STARD9: variants seen among roughly 807,000 people sequenced by gnomAD.
The protein encoded by STARD9 is StAR related lipid transfer domain containing 9.
A neutral mutation model predicts 399.8 loss-of-function variants in STARD9; 346 were observed. The ratio of observed to expected loss-of-function variants is 0.87; its 90% confidence interval spans 0.79 to 0.95. STARD9 has a LOEUF of 0.95. Among genes scored for constraint, STARD9 ranks in the 40% least tolerant of loss-of-function variants. The probability of loss-of-function intolerance (pLI) is 0.00; values close to 1 mark genes in which losing one functional copy is unlikely to be tolerated. For missense variants in STARD9, 5,832 were observed against 5,667.5 expected (o/e 1.03, Z -0.93); for synonymous variants, 2,203 against 2,143.5 (o/e 1.03, Z -0.77).
chr15:42,593,396 G>A (rs1182905551), intron 3 of STARD9, among the ~76,000 whole-genome samples: 2 of 152,160 alleles, frequency 1.3e-5, no homozygotes, highest in Non-Finnish European at 2.9e-5. Flanking sequence ...CCTGAAAGTG[G>A]CTGTTTAAAA....
chr15:42,590,098 CTACAGATA>C, intron 3 of STARD9, among the ~76,000 whole-genome samples: 1 of 151,740 alleles, frequency 6.6e-6, no homozygotes, highest in Non-Finnish European at 1.5e-5. Context: ...GTAGCTGGGA[CTACAGATA>C]CGTGTGCCAC....
intron 16 of STARD9, chr15:42,670,953 C>T (rs1446455550): frequency 6.6e-6 from 1 of 151,936 alleles, no homozygotes; most frequent in Non-Finnish European, 1.5e-5. Flanking sequence ...TTAAAATGGT[C>T]ACTATTTGAG....
At chr15:42,632,841 CAAG>C in intron 3 of STARD9, among the ~76,000 whole-genome samples, 2 of 152,002 alleles carry the variant, frequency 1.3e-5, no homozygotes, top group Non-Finnish European at 2.9e-5. Context: ...GACCATGTCT[CAAG>C]AAAAAAATAA....
chr15:42,601,478 C>T (rs1169065854), intron 3 of STARD9, among the ~76,000 whole-genome samples: 2 of 149,746 alleles, frequency 1.3e-5, no homozygotes, highest in African/African-American at 4.9e-5. Flanking sequence ...GACGGGGCGG[C>T]GGCCGGGCGG....
chr15:42,674,955 C>G lies in STARD9; in HGVS notation c.1678C>G (p.Leu560Val). The G allele has an allele frequency of 6.5e-7, 1 of 1,534,232 alleles. No individual in the cohort carries two copies. The highest frequency in any genetic ancestry group is 8.7e-7 in the Non-Finnish European group (1 of 1,145,636). ...CCGGGAGGTCACTGCCTCCTGCCGT[C>G]TGACTCAAGGTAGGACTGTCTGTAG... is the stretch of plus-strand genomic sequence containing the variant. ...NGREVTASCR[L>V]TQGAVITLGK... Residue 560 changes from leucine (L) to valine (V), a missense_variant, in exon 18 of 33, where the codon CTG becomes GTG. By Grantham distance (32) the Leu-to-Val change is conservative. Transcript: ENST00000290607.
rs1286137788 is a variant in STARD9, at chr15:42,686,117, T to A, written c.4539T>A (p.Leu1513=). Residue 1513 remains leucine, a synonymous_variant, in exon 23 of 33, where the codon CTT becomes CTA. Coordinates refer to ENST00000290607, the MANE Select transcript of STARD9 (RefSeq NM_020759.3). ...CACCCAAGCCAGCTTACCCCTACCT[T>A]GAGGAAGACTCTGGTTCCCTGGCCC... The part of the protein sequence containing the change: ...IGAPKPAYPY[L]EEDSGSLAQA... 2 of 1,537,198 alleles carry A rather than the reference T, an allele frequency of 1.3e-6. No individual in the cohort carries two copies. Among genetic ancestry groups the A allele is most frequent in the Admixed American group, 2.0e-5 (1 of 50,986 alleles).
intron 3 of STARD9, chr15:42,629,692 C>T (rs2059291126): frequency 6.6e-6 from 1 of 152,106 alleles, no homozygotes; most frequent in Non-Finnish European, 1.5e-5. Context: ...TATTCCAGAT[C>T]CTAGAGGGAA....
At chr15:42,697,025 A>C (rs888306031) in intron 26 of STARD9, among the ~76,000 whole-genome samples, 1 of 152,220 alleles carries the variant, frequency 6.6e-6, no homozygotes, top group Admixed American at 6.5e-5. Flanking sequence ...CATTTAACAA[A>C]ATAATGTTTA....
At chr15:42,602,137 C>T (rs547719460) in intron 3 of STARD9, among the ~76,000 whole-genome samples, 3 of 152,358 alleles carry the variant, frequency 2.0e-5, no homozygotes, top group African/African-American at 7.2e-5. Context: ...AGCTGCTGCA[C>T]CCAGCCTAGA....
intron 3 of STARD9, among the ~76,000 whole-genome samples, chr15:42,601,623 C>T (rs1336697933): frequency 1.3e-5 from 2 of 151,390 alleles, no homozygotes; most frequent in Non-Finnish European, 2.9e-5. Context: ...TGGGGGCTGC[C>T]CCCCACTTCC....
chr15:42,607,685 C>CACACACACAA (rs1337784119), intron 3 of STARD9, among the ~76,000 whole-genome samples: 3 of 149,604 alleles, frequency 2.0e-5, no homozygotes, highest in African/African-American at 7.5e-5. Context: ...CACACACACA[C>CACACACACAA]AAATATATAT....
At chr15:42,708,921 T>A (rs539402884) in intron 26 of STARD9, among the ~76,000 whole-genome samples, 1 of 152,198 alleles carries the variant, frequency 6.6e-6, no homozygotes, top group Non-Finnish European at 1.5e-5. Flanking sequence ...CTAGTTAAAT[T>A]CAAATTTTAG....
intron 26 of STARD9, among the ~76,000 whole-genome samples, chr15:42,707,304 A>G (rs2140363699): frequency 6.6e-6 from 1 of 152,348 alleles, no homozygotes; most frequent in South Asian, 2.1e-4. Flanking sequence ...GGAATTGTTT[A>G]TTAAGGCATT....
chr15:42,633,998 G>A (rs1482236707), intron 3 of STARD9, among the ~76,000 whole-genome samples: 2 of 151,928 alleles, frequency 1.3e-5, no homozygotes, highest in Admixed American at 1.3e-4. Context: ...GGAATATCTG[G>A]CCTGTTTGGC....
chr15:42,637,997 A>G (rs778252641), intron 5 of STARD9, 29 bp from the exon 6 acceptor site: 19 of 1,537,200 alleles, frequency 1.2e-5, no homozygotes, highest in East Asian at 2.4e-5. Context: ...AATTCCTACA[A>G]TGAAACCCCA....
chr15:42,581,201 A>C, intron 1 of STARD9: 1 of 777,748 alleles, frequency 1.3e-6, no homozygotes. Flanking sequence ...TGTTCAAATT[A>C]TTGACTTCTA....
chr15:42,699,759 T>C (rs188599187), intron 26 of STARD9, among the ~76,000 whole-genome samples: 1 of 151,954 alleles, frequency 6.6e-6, no homozygotes, highest in Non-Finnish European at 1.5e-5. Context: ...CAAGCTGGAG[T>C]GCAATGGTGC....
At chr15:42,609,184 A>C (rs2058798950) in intron 3 of STARD9, among the ~76,000 whole-genome samples, 1 of 152,198 alleles carries the variant, frequency 6.6e-6, no homozygotes, top group South Asian at 2.1e-4. Context: ...GACAAAGAGA[A>C]AACTAAAAGC....
At chr15:42,673,690 T>TA (rs1452230586) in intron 16 of STARD9, among the ~76,000 whole-genome samples, 1 of 152,208 alleles carries the variant, frequency 6.6e-6, no homozygotes, top group South Asian at 2.1e-4. Flanking sequence ...CAATAAATGA[T>TA]AAAGATATGT....
Sources: allele counts gnomAD v4.1 joint callset (sites outside exome capture counted in the v4.1 genomes callset), GRCh38; gene constraint gnomAD v4.1.1; transcripts MANE v1.5; gene names NCBI Gene and HGNC (gene_info 2026-07-23, HGNC 2026-07-21).